TTC17: variants seen among roughly 807,000 people sequenced by gnomAD.
TTC17 encodes the protein tetratricopeptide repeat protein 17.
In TTC17, 58 loss-of-function variants were observed where a neutral mutation model predicts 143.8. The ratio of observed to expected loss-of-function variants is 0.40; its 90% CI spans 0.33 to 0.50. The LOEUF is 0.50. TTC17 is among the 20% of genes least tolerant of loss of function. The probability of loss-of-function intolerance (pLI) is 0.49; values close to 1 mark genes in which losing one functional copy is unlikely to be tolerated. For synonymous variants in TTC17, 501 were observed against 497.8 expected (o/e 1.01, Z -0.09); for missense variants, 1,273 against 1,392.5 (o/e 0.91, Z 1.37).
chr11:43,370,767 A>G (rs1338036549), intron 1 of TTC17, among the ~76,000 whole-genome samples: 3 of 151,264 alleles, frequency 2.0e-5, no homozygotes, highest in African/African-American at 7.4e-5. Context: ...TGATATATAA[A>G]CTGTCAGATA....
intron 19 of TTC17, chr11:43,449,810 T>G: frequency 2.6e-6 from 1 of 378,692 alleles, no homozygotes. Context: ...TGTCTAAGCT[T>G]TAGGTAACTT....
At chr11:43,485,333 A>G (rs189101315) in intron 21 of TTC17, among the ~76,000 whole-genome samples, 8 of 152,332 alleles carry the variant, frequency 5.3e-5, no homozygotes, top group Non-Finnish European at 1.0e-4. Flanking sequence ...CAATCTTCAT[A>G]TCTTACACAA....
intron 13 of TTC17, among the ~76,000 whole-genome samples, chr11:43,406,203 T>C (rs577304247): frequency 2.8e-4 from 42 of 152,264 alleles, no homozygotes; most frequent in African/African-American, 9.6e-4. Flanking sequence ...ACTTCAAAGA[T>C]GAGTAGCACA....
chr11:43,432,630 T>G (rs1404201151), intron 16 of TTC17, among the ~76,000 whole-genome samples: 1 of 152,224 alleles, frequency 6.6e-6, no homozygotes, highest in Non-Finnish European at 1.5e-5. Flanking sequence ...CATTTTTGTG[T>G]CAGCAAAAAA....
chr11:43,441,904 A>G (rs1330878066), intron 16 of TTC17, among the ~76,000 whole-genome samples: 1 of 152,214 alleles, frequency 6.6e-6, no homozygotes, highest in Non-Finnish European at 1.5e-5. Flanking sequence ...CTTCGTAGCT[A>G]AACAGCATGA....
At chr11:43,454,448 T>C (rs542646046) in intron 21 of TTC17, among the ~76,000 whole-genome samples, 1 of 152,200 alleles carries the variant, frequency 6.6e-6, no homozygotes, top group Non-Finnish European at 1.5e-5. Flanking sequence ...TGTACACATA[T>C]TAAACAGATG....
At chr11:43,376,205 A>G (rs560499787) in intron 1 of TTC17, among the ~76,000 whole-genome samples, 1 of 152,186 alleles carries the variant, frequency 6.6e-6, no homozygotes, top group African/African-American at 2.4e-5. Context: ...ATGAAATTGA[A>G]TTGCCTTATA....
Position 43,397,343 on chromosome 11 carries a change from T to G in TTC17, c.774-4T>G. On this transcript the variant is annotated splice_polypyrimidine_tract_variant and splice_region_variant and intron_variant, in intron 6 of 23. Transcript: ENST00000039989. ...AATCATGGAATATGTGCTGCTTTCC[T>G]TAGGCACAATAAAGACATTGCCCTG... The G allele has an allele frequency of 6.2e-7, 1 of 1,606,640 alleles. No individual in the cohort carries two copies. Among genetic ancestry groups the G allele is most frequent in the East Asian group, 2.2e-5 (1 of 44,850 alleles).
At chr11:43,466,706 T>C in intron 21 of TTC17, 1 of 361,488 alleles carries the variant, frequency 2.8e-6, no homozygotes, top group Non-Finnish European at 5.5e-6. Context: ...CCAAAACAAA[T>C]GAGTCCCAGT....
Position 43,391,834 on chromosome 11 carries a change from G to A in TTC17, c.545G>A (p.Arg182Lys). The change falls in exon 5 of 24, where the codon AGA (arginine) becomes AAA (lysine). Residue 182 changes from arginine to lysine, a missense_variant. This residue lies in a region of TTC17 where 325 missense variants were observed against 444.2 expected (regional missense o/e 0.73). Coordinates refer to ENST00000039989, the MANE Select transcript of TTC17 (RefSeq NM_018259.6). ...AFQHLRGVQE[R>K]VNLSAPLLPK... Reference sequence around the variant, plus strand: ...TCTTCTCTTCAGGGTGTACAGGAGAGAGTTAATCTTTCTGCACCTCTGCTA... The same window carrying A: ...TCTTCTCTTCAGGGTGTACAGGAGAAAGTTAATCTTTCTGCACCTCTGCTA... The A allele has an allele frequency of 6.2e-7, 1 of 1,613,364 alleles. No individual in the cohort carries two copies. Among genetic ancestry groups the A allele is most frequent in the Non-Finnish European group, 8.5e-7 (1 of 1,179,848 alleles).
intron 16 of TTC17, among the ~76,000 whole-genome samples, chr11:43,434,499 A>T (rs951477213): frequency 1.3e-5 from 2 of 152,118 alleles, no homozygotes; most frequent in African/African-American, 2.4e-5. Flanking sequence ...AAGTTACTTT[A>T]TTTCACTGAG....
intron 16 of TTC17, among the ~76,000 whole-genome samples, chr11:43,426,259 A>G (rs920015907): frequency 2.6e-5 from 4 of 152,238 alleles, no homozygotes; most frequent in Admixed American, 2.0e-4. Context: ...AAGTTGGGAG[A>G]GACTGAGTAA....
At chr11:43,438,430 C>T (rs1286409137) in intron 16 of TTC17, among the ~76,000 whole-genome samples, 1 of 152,134 alleles carries the variant, frequency 6.6e-6, no homozygotes, top group Admixed American at 6.6e-5. Context: ...AATGCATGAG[C>T]CACAGCGCCC....
At chr11:43,401,335 C>T in intron 9 of TTC17, 111 bp from the exon 10 acceptor site, 1 of 637,270 alleles carries the variant, frequency 1.6e-6, no homozygotes, top group Non-Finnish European at 2.7e-6. Context: ...CGTAAGTAGC[C>T]TGCTAGGCTC....
At chr11:43,403,924 T>G in intron 10 of TTC17, 74 bp from the exon 11 acceptor site, 1 of 1,313,338 alleles carries the variant, frequency 7.6e-7, no homozygotes, top group Non-Finnish European at 1.0e-6. Flanking sequence ...CTCGCTTTTT[T>G]GGTGTGAGTT....
intron 1 of TTC17, among the ~76,000 whole-genome samples, chr11:43,367,326 GT>G (rs1856383411): frequency 1.3e-5 from 2 of 152,158 alleles, no homozygotes; most frequent in Non-Finnish European, 2.9e-5. Context: ...CGCTGTCTTT[GT>G]ACCAGTTTAG....
rs748211458 is a variant in TTC17, at chr11:43,492,157, G to A, written c.3288G>A (p.Val1096=). ...VNHFTLGNVY[V]AMEEFEKALV... ...ACTTCACTCTGGGCAATGTCTACGT[G>A]GCAATGGTGAGATGGGGGTGTGAGC... Residue 1096 remains valine (V), a synonymous_variant, in exon 23 of 24, where the codon GTG becomes GTA. Coordinates refer to ENST00000039989, the MANE Select transcript of TTC17 (RefSeq NM_018259.6). The A allele has an allele frequency of 1.6e-5, 26 of 1,613,994 alleles. No individual in the cohort carries two copies. The East Asian group carries it at 4.9e-4, about 30-fold the overall frequency.
Position 43,401,477 on chromosome 11 carries a change from G to A in TTC17, c.1251G>A (p.Gln417=), listed in dbSNP as rs369155231. The A allele has an allele frequency of 8.2e-4, 1,316 of 1,613,124 alleles. 16 individuals carry two copies. The South Asian group carries it at 9.0e-3, about 11-fold the overall frequency. Residue 417 remains glutamine (Q), a synonymous_variant, in exon 10 of 24, where the codon CAG becomes CAA. Transcript: ENST00000039989. ...ATCAGATATGCCGACTGGTCAACCA[G>A]CAGCATAGTTTACATTGCCAGTGGG... ...GNHQICRLVN[Q]QHSLHCQWDQ...
At chr11:43,490,084 A>G (rs1051559922) in intron 21 of TTC17, 155 bp from the exon 22 acceptor site, 21 of 992,264 alleles carry the variant, frequency 2.1e-5, no homozygotes, top group Non-Finnish European at 2.6e-5. Context: ...CTAAGGATTA[A>G]TGAAGGACAG....
Sources: gnomAD v4.1 joint callset for allele counts (sites outside exome capture counted in the v4.1 genomes callset) on GRCh38, gnomAD v4.1.1 for gene constraint, gnomAD v4.1.1 regional missense constraint, MANE v1.5 for transcripts, NCBI Gene and HGNC (gene_info 2026-07-23, HGNC 2026-07-21) for gene names.